Variants in FIRRM observed in about 807,000 individuals in gnomAD.
The protein encoded by FIRRM is FIGNL1-interacting regulator of recombination and mitosis.
the FIRRM span, chr1:169,849,408 T>G: frequency 1.8e-5 from 16 of 905,370 alleles, no homozygotes; most frequent in Non-Finnish European, 2.6e-5. Flanking sequence ...TTATGTTAAC[T>G]TGACAACACT....
chr1:169,854,073 T>TAAAC, the FIRRM span: 1 of 587,186 alleles, frequency 1.7e-6, no homozygotes, highest in East Asian at 2.9e-5. Context: ...AATAGCTCAT[T>TAAAC]AAACAAACTA....
At chr1:169,795,606 T>C in the FIRRM span, 3 of 1,006,238 alleles carry the variant, frequency 3.0e-6, no homozygotes, top group Non-Finnish European at 3.6e-6. Context: ...TCTTAATAGT[T>C]TGAGGTAAAG....
At chr1:169,852,438 A>C in the FIRRM span, 1 of 280,244 alleles carries the variant, frequency 3.6e-6, no homozygotes, top group African/African-American at 2.2e-5. Flanking sequence ...CAACATTCTG[A>C]TAAGTTTTAG....
chr1:169,853,203 C>T, the FIRRM span: 1 of 563,752 alleles, frequency 1.8e-6, no homozygotes, highest in Admixed American at 3.2e-5. Flanking sequence ...TGCCTAGGTC[C>T]ACAAAGAACC....
chr1:169,789,627 T>C, the FIRRM span, among the ~76,000 whole-genome samples: 1 of 152,162 alleles, frequency 6.6e-6, no homozygotes, highest in Non-Finnish European at 1.5e-5. Flanking sequence ...TCATCCTAAA[T>C]AATCTGCAAC....
At chr1:169,814,016 A>G in the FIRRM span, among the ~76,000 whole-genome samples, 2 of 152,196 alleles carry the variant, frequency 1.3e-5, no homozygotes, top group African/African-American at 2.4e-5. Flanking sequence ...TTTACATTAT[A>G]CAAGTTGTTT....
chr1:169,801,129 G>A, the FIRRM span, among the ~76,000 whole-genome samples: 1 of 151,988 alleles, frequency 6.6e-6, no homozygotes, highest in Non-Finnish European at 1.5e-5. Flanking sequence ...AATGGTGTTA[G>A]TGTGATCATT....
chr1:169,827,902 A>G, the FIRRM span: 2 of 1,554,144 alleles, frequency 1.3e-6, no homozygotes, highest in South Asian at 2.3e-5. Flanking sequence ...GTTGTTTGGA[A>G]TGGTCTTGAA....
the FIRRM span, among the ~76,000 whole-genome samples, chr1:169,833,846 CTTTTTTT>C: frequency 2.0e-4 from 19 of 96,050 alleles, no homozygotes; most frequent in East Asian, 2.6e-3. Context: ...AGTCACTTTC[CTTTTTTT>C]TTTTTTTTTT....
At chr1:169,841,168 G>GT in the FIRRM span, among the ~76,000 whole-genome samples, 3 of 152,014 alleles carry the variant, frequency 2.0e-5, no homozygotes, top group African/African-American at 7.3e-5. Flanking sequence ...AAGGGATGTT[G>GT]GATTTTATCA....
chr1:169,833,182 A>G, the FIRRM span, among the ~76,000 whole-genome samples: 1 of 152,184 alleles, frequency 6.6e-6, no homozygotes. Flanking sequence ...ATAAACCTGT[A>G]TGGCCTAGTG....
chr1:169,793,077 T>C, the FIRRM span: 2 of 1,614,166 alleles, frequency 1.2e-6, no homozygotes, highest in Admixed American at 1.7e-5. Context: ...GACCCTCCCT[T>C]GAATGCAGTT....
At chr1:169,786,909 CGT>C in the FIRRM span, among the ~76,000 whole-genome samples, 1 of 148,822 alleles carries the variant, frequency 6.7e-6, no homozygotes, top group Non-Finnish European at 1.5e-5. Context: ...TTGAATGATC[CGT>C]GACCGCTCTA....
chr1:169,844,526 T>C, the FIRRM span, among the ~76,000 whole-genome samples: 13 of 152,248 alleles, frequency 8.5e-5, no homozygotes, highest in Non-Finnish European at 1.6e-4. Flanking sequence ...TGTCACAGTA[T>C]GTGGTGGAAC....
the FIRRM span, among the ~76,000 whole-genome samples, chr1:169,849,064 T>C: frequency 2.0e-5 from 3 of 152,212 alleles, no homozygotes; most frequent in Non-Finnish European, 2.9e-5. Context: ...ATGTGCAGTA[T>C]ATTAAATGGT....
At chr1:169,846,803 T>C in the FIRRM span, among the ~76,000 whole-genome samples, 3 of 152,216 alleles carry the variant, frequency 2.0e-5, no homozygotes, top group Non-Finnish European at 4.4e-5. Flanking sequence ...TCCGTGTTCA[T>C]TGGAATAGCA....
At chr1:169,809,527 G>T in the FIRRM span, among the ~76,000 whole-genome samples, 4 of 152,324 alleles carry the variant, frequency 2.6e-5, no homozygotes, top group South Asian at 8.3e-4. Flanking sequence ...GTAAGATGAA[G>T]AAAGTCTAAA....
At chr1:169,811,006 C>G in the FIRRM span, among the ~76,000 whole-genome samples, 1 of 151,396 alleles carries the variant, frequency 6.6e-6, no homozygotes, top group Non-Finnish European at 1.5e-5. Flanking sequence ...ACTACAGGCG[C>G]CTGCCACCGC....
chr1:169,796,937 G>T, the FIRRM span, among the ~76,000 whole-genome samples: 7 of 152,136 alleles, frequency 4.6e-5, no homozygotes, highest in Admixed American at 2.6e-4. Flanking sequence ...TTCAATCTTA[G>T]GCAGTTCCCC....
Sources: allele counts gnomAD v4.1 joint callset (sites outside exome capture counted in the v4.1 genomes callset), GRCh38; gene constraint gnomAD v4.1.1; transcripts MANE v1.5; gene names NCBI Gene and HGNC (gene_info 2026-07-23, HGNC 2026-07-21).